Variants in DPP10 observed in about 807,000 individuals in gnomAD.
The protein encoded by DPP10 is inactive dipeptidyl peptidase 10.
In DPP10, 33 loss-of-function variants were observed where a neutral mutation model predicts 120.9. The ratio of observed to expected loss-of-function variants is 0.27; its 90% CI spans 0.21 to 0.37. The LOEUF is 0.37. Among genes scored for constraint, DPP10 ranks in the 10% least tolerant of loss-of-function variants. The probability of loss-of-function intolerance (pLI) is 1.00; values close to 1 mark genes in which losing one functional copy is unlikely to be tolerated. For missense variants in DPP10, 816 were observed against 942.8 expected (o/e 0.87, Z 1.76); for synonymous variants, 337 against 326.1 (o/e 1.03, Z -0.36).
chr2:115,803,846 C>G (rs1337632504), intron 19 of DPP10, among the ~76,000 whole-genome samples: 1 of 152,160 alleles, frequency 6.6e-6, no homozygotes, highest in Non-Finnish European at 1.5e-5. Flanking sequence ...CGACCTTTCT[C>G]TCTGGCTGCC....
intron 1 of DPP10, among the ~76,000 whole-genome samples, chr2:114,905,863 T>A (rs1288224132): frequency 6.6e-6 from 1 of 152,210 alleles, no homozygotes; most frequent in African/African-American, 2.4e-5. Flanking sequence ...ATAGATTATA[T>A]AATTGATTTT....
intron 1 of DPP10, among the ~76,000 whole-genome samples, chr2:115,074,860 G>A (rs1418597905): frequency 6.6e-6 from 1 of 152,152 alleles, no homozygotes; most frequent in East Asian, 1.9e-4. Flanking sequence ...TGATATATCT[G>A]ACTTGAGCAA....
At chr2:115,088,524 C>T (rs934126721) in intron 1 of DPP10, among the ~76,000 whole-genome samples, 2 of 151,958 alleles carry the variant, frequency 1.3e-5, no homozygotes, top group African/African-American at 4.8e-5. Context: ...TCATGGCTCA[C>T]AGCAGCCTTG....
chr2:114,760,301 G>A (rs376791631), intron 1 of DPP10, among the ~76,000 whole-genome samples: 1 of 152,096 alleles, frequency 6.6e-6, no homozygotes, highest in Non-Finnish European at 1.5e-5. Context: ...GGAGAGTAGC[G>A]CACCCTCCCT....
chr2:115,790,149 G>A (rs571589120), intron 17 of DPP10, among the ~76,000 whole-genome samples: 19 of 149,084 alleles, frequency 1.3e-4, no homozygotes, highest in Non-Finnish European at 2.2e-4. Flanking sequence ...GCGCAATCTC[G>A]GCTCACTGCA....
intron 1 of DPP10, among the ~76,000 whole-genome samples, chr2:114,561,418 CAT>C (rs1019257197): frequency 6.6e-6 from 1 of 152,106 alleles, no homozygotes; most frequent in Non-Finnish European, 1.5e-5. Flanking sequence ...CATCTGCACA[CAT>C]GTGCACATAA....
At chr2:115,435,049 C>CATAT (rs1477690489) in intron 3 of DPP10, among the ~76,000 whole-genome samples, 1 of 46,960 alleles carries the variant, frequency 2.1e-5, no homozygotes, top group Admixed American at 2.1e-4. Flanking sequence ...TACACATGCA[C>CATAT]ACATATATAT....
At chr2:114,954,014 AAAATGTAG>A (rs1340770360) in intron 1 of DPP10, among the ~76,000 whole-genome samples, 1 of 152,078 alleles carries the variant, frequency 6.6e-6, no homozygotes, top group East Asian at 1.9e-4. Flanking sequence ...CAACCAAAAC[AAAATGTAG>A]AAATAAAATA....
intron 13 of DPP10, among the ~76,000 whole-genome samples, chr2:115,770,360 T>C (rs1267717841): frequency 6.6e-6 from 1 of 152,096 alleles, no homozygotes; most frequent in Non-Finnish European, 1.5e-5. Flanking sequence ...GAAGAAAAAC[T>C]TAATAAAGTT....
intron 2 of DPP10, among the ~76,000 whole-genome samples, chr2:115,333,680 T>C (rs957757683): frequency 2.6e-5 from 4 of 152,156 alleles, no homozygotes; most frequent in African/African-American, 7.2e-5. Context: ...CCTTCACTTA[T>C]GAAGCTTGGT....
At chr2:115,817,845 G>C (rs568155844) in intron 21 of DPP10, among the ~76,000 whole-genome samples, 1 of 151,948 alleles carries the variant, frequency 6.6e-6, no homozygotes, top group African/African-American at 2.4e-5. Context: ...GACAAATACT[G>C]TATAATTCTA....
At chr2:115,609,392 G>A (rs534978420) in intron 5 of DPP10, among the ~76,000 whole-genome samples, 88 of 152,024 alleles carry the variant, frequency 5.8e-4, no homozygotes, top group Middle Eastern at 3.2e-3. Context: ...TGATGTCTAG[G>A]AATCAGAGGA....
At chr2:115,489,705 A>T (rs946584374) in intron 3 of DPP10, among the ~76,000 whole-genome samples, 2 of 151,746 alleles carry the variant, frequency 1.3e-5, no homozygotes, top group African/African-American at 4.8e-5. Flanking sequence ...AACATATTTT[A>T]CCCCAAAATA....
rs561256380 is a variant in DPP10, at chr2:114,965,005, T to C, written c.61-344234T>C. Among the ~76,000 whole-genome samples, 8 of 152,228 alleles carry C rather than the reference T, an allele frequency of 5.3e-5. No homozygotes were observed. In the East Asian group the frequency reaches 1.5e-3, roughly 29 times the overall value. On this transcript the variant is annotated intron_variant, in intron 1 of 25. Coordinates refer to ENST00000410059, the MANE Select transcript of DPP10 (RefSeq NM_020868.6). ...GGTTAGCTGGAGTCTTGGGTGAAGG[T>C]TGTTAACAAAGAGACTAAGTAGTCT...
chr2:114,916,364 A>G (rs1388437693), intron 1 of DPP10, among the ~76,000 whole-genome samples: 1 of 152,190 alleles, frequency 6.6e-6, no homozygotes, highest in Non-Finnish European at 1.5e-5. Flanking sequence ...CCTGGATCAG[A>G]TGGATTCACA....
At chr2:115,802,750 T>A (rs369913313) in intron 19 of DPP10, among the ~76,000 whole-genome samples, 1 of 152,016 alleles carries the variant, frequency 6.6e-6, no homozygotes, top group Non-Finnish European at 1.5e-5. Context: ...TTTGAGTGAG[T>A]TTCTTAATCC....
At chr2:115,564,680 A>G (rs942334472) in intron 5 of DPP10, among the ~76,000 whole-genome samples, 1 of 152,188 alleles carries the variant, frequency 6.6e-6, no homozygotes, top group Non-Finnish European at 1.5e-5. Context: ...AGTGTTTTCA[A>G]TTGTTTTACT....
intron 1 of DPP10, among the ~76,000 whole-genome samples, chr2:114,574,803 G>C (rs1305424810): frequency 6.6e-6 from 1 of 152,228 alleles, no homozygotes; most frequent in African/African-American, 2.4e-5. Flanking sequence ...GAGGGAGGCA[G>C]TGAAAGTTTC....
In DPP10 at chr2:115,662,099, T is replaced by C. The variant is rs187797964; in HGVS notation, c.442-27588T>C. ...GTTTGATGATTTTAGTCTCCATATA[T>C]AAGTGAGATCCTAGAGTATTTTTCT... On this transcript the variant is annotated intron_variant, in intron 5 of 25. Transcript: ENST00000410059. Among the ~76,000 whole-genome samples, 149 of 152,336 alleles carry C rather than the reference T, an allele frequency of 9.8e-4. 1 individual carries two copies. Among genetic ancestry groups the C allele is most frequent in the Admixed American group, 2.2e-3 (33 of 15,300 alleles).
Sources: allele counts gnomAD v4.1 joint callset (sites outside exome capture counted in the v4.1 genomes callset), GRCh38; gene constraint gnomAD v4.1.1; transcripts MANE v1.5; gene names NCBI Gene and HGNC (gene_info 2026-07-23, HGNC 2026-07-21).